TRAF5: variants seen among roughly 807,000 people sequenced by gnomAD.
TRAF5 encodes TNF receptor-associated factor 5.
TRAF5 carries 48 observed loss-of-function variants against 64.5 expected under a neutral mutation model. That is an observed-to-expected ratio of 0.74 (90% CI 0.59 to 0.95). The LOEUF is 0.95. Ranked by LOEUF, TRAF5 falls within the 40% of genes least tolerant of loss-of-function variation. TRAF5 has a pLI of 0.00. For synonymous variants in TRAF5, 206 were observed against 240.5 expected, an observed-to-expected ratio of 0.86 and a Z score of 1.33; for missense variants, 545 against 662.8, an observed-to-expected ratio of 0.82 and a Z score of 1.95.
intron 7 of TRAF5, among the ~76,000 whole-genome samples, chr1:211,362,245 C>T (rs1703210100): frequency 6.6e-6 from 1 of 151,798 alleles, no homozygotes; most frequent in African/African-American, 2.4e-5. Context: ...TAATAGATTC[C>T]AGGTGGAGCA....
At chr1:211,356,639 G>A (rs1460263057) in intron 4 of TRAF5, 171 bp downstream of exon 4, 14 of 582,800 alleles carry the variant, frequency 2.4e-5, no homozygotes, top group East Asian at 3.0e-5. Flanking sequence ...GCCCACCTAC[G>A]GCTGAGGTGT....
In TRAF5 at chr1:211,326,920, C is replaced by T. The variant is rs112037791; in HGVS notation, c.-2+31C>T. On this transcript the variant is annotated intron_variant, in intron 1 of 10. Transcript: ENST00000261464. The surrounding 1 kb of genome is among the most constrained non-coding windows in gnomAD (Gnocchi z 5.0). ...TCCGGCGGGTCGCCGCCCTGGGCAC[C>T]CTCGCGACGGAAGGGCCGGGGTGGG... 1,926 of 984,980 alleles carry T rather than the reference C, an allele frequency of 2.0e-3. 13 individuals are homozygous for T. The African/African-American group carries it at 0.023, about 12-fold the overall frequency. The allele number at this position is 984,980 out of a possible 1,614,324, so 61.0% of individuals were successfully genotyped here. A position where few individuals can be genotyped will look rare whatever the true frequency, so the allele number is the denominator to read the frequency against.
intron 6 of TRAF5, 123 bp downstream of exon 6, chr1:211,360,902 G>A: frequency 1.0e-6 from 1 of 1,004,084 alleles, no homozygotes; most frequent in Non-Finnish European, 1.5e-6. Context: ...GCATGACCAT[G>A]ACGTATCTGT....
At chr1:211,326,827 G>T (rs568790640), upstream of TRAF5, 346 of 984,372 alleles carry the variant, frequency 3.5e-4, 4 homozygotes, top group East Asian at 0.016. This position sits in a 1 kb window ranked among gnomAD's most constrained non-coding sequence, Gnocchi z 5.0. Context: ...GCCGCCGGCC[G>T]CAGCCAGGAG....
Position 211,355,289 on chromosome 1 carries a change from T to C in TRAF5, c.276+822T>C, listed in dbSNP as rs528341407. On this transcript the variant is annotated intron_variant, in intron 3 of 10. Coordinates refer to ENST00000261464, the MANE Select transcript of TRAF5 (RefSeq NM_001033910.3). ...GTGGGTTGTCTTTTCCCTTTCTTGA[T>C]CGTGTGTTTGAAGCACAAAAAATTT... 1.5e-4 allele frequency among the ~76,000 whole-genome samples: 23 copies of C among 152,276 alleles called. No homozygotes were observed. In the South Asian group the frequency reaches 4.8e-3, roughly 32 times the overall value.
In TRAF5 at chr1:211,353,370, A is replaced by G. The variant is rs372772119; in HGVS notation, c.131A>G (p.Lys44Arg). 4 of 1,614,006 alleles carry G rather than the reference A, an allele frequency of 2.5e-6. No homozygotes were observed. In the African/African-American group the frequency reaches 5.3e-5, roughly 22 times the overall value. Residue 44 changes from lysine (K) to arginine (R), a missense_variant, in exon 2 of 11, where the codon AAA (lysine) becomes AGA (arginine). Physicochemically the swap from Lys to Arg is conservative, Grantham distance 26. Coordinates refer to ENST00000261464, the MANE Select transcript of TRAF5 (RefSeq NM_001033910.3). ...GTGGAGCGGTTGGAAGAGCGCTACA[A>G]ATGTGCCTTCTGCCACTCGGTGCTT... Reference protein sequence around the residue: ...QFVERLEERYKCAFCHSVLHN... With the variant: ...QFVERLEERYRCAFCHSVLHN...
chr1:211,331,647 G>T (rs1702158938), intron 1 of TRAF5, among the ~76,000 whole-genome samples: 1 of 152,052 alleles, frequency 6.6e-6, no homozygotes, highest in African/African-American at 2.4e-5. Context: ...CAGAAGAATT[G>T]CTGTGTGTCA....
Position 211,360,757 on chromosome 1 carries a change from C to A in TRAF5, c.599C>A (p.Ala200Glu). The change falls in exon 6 of 11, where the codon GCG (alanine) becomes GAG (glutamate). Residue 200 changes from alanine to glutamate, a missense_variant. Ala to Glu is a moderately radical substitution (Grantham distance 107). Transcript: ENST00000261464. ...CCAGTATTTTGTCCCAACAATTGTG[C>A]GAAGATTATTCTAAAAACTGAGGTA... Reference protein sequence around the residue: ...EYPVFCPNNCAKIILKTEVDE... With the variant: ...EYPVFCPNNCEKIILKTEVDE... 6.2e-7 allele frequency: 1 copy of A among 1,613,674 alleles called. No individual in the cohort carries two copies. Among genetic ancestry groups the A allele is most frequent in the Non-Finnish European group, 8.5e-7 (1 of 1,179,714 alleles).
Position 211,372,355 on chromosome 1 carries a change from T to C in TRAF5, c.1327T>C (p.Cys443Arg). Residue 443 changes from cysteine to arginine, a missense_variant, in exon 11 of 11, where the codon TGT becomes CGT. Transcript: ENST00000261464. ...CACCAGCCGCTGTGGCTACCGGCTC[T>C]GTGCTAGAGCATACCTGAATGGGGA... ...FYTSRCGYRL[C>R]ARAYLNGDGS... The C allele has an allele frequency of 6.2e-7, 1 of 1,614,178 alleles. No homozygotes were observed. The highest frequency in any genetic ancestry group is 8.5e-7 in the Non-Finnish European group (1 of 1,180,024).
At chr1:211,371,888 A>C (rs1042369264) in intron 10 of TRAF5, among the ~76,000 whole-genome samples, 1 of 152,240 alleles carries the variant, frequency 6.6e-6, no homozygotes, top group African/African-American at 2.4e-5. Flanking sequence ...TTGAATGCTC[A>C]GTGTGTCTTC....
At chr1:211,359,826 C>G in intron 4 of TRAF5, 86 bp from the exon 5 acceptor site, 33 of 1,516,436 alleles carry the variant, frequency 2.2e-5, no homozygotes, top group Non-Finnish European at 2.8e-5. Flanking sequence ...CCACCCTGTT[C>G]TCTCTCCCTC....
chr1:211,333,300 T>C (rs1439301567), intron 1 of TRAF5, among the ~76,000 whole-genome samples: 1 of 144,638 alleles, frequency 6.9e-6, no homozygotes, highest in Non-Finnish European at 1.5e-5. Context: ...GCGATTCTCC[T>C]GCCTCAGCTT....
At chr1:211,349,034 TAAAA>T (rs373131975) in intron 1 of TRAF5, among the ~76,000 whole-genome samples, 3 of 84,674 alleles carry the variant, frequency 3.5e-5, no homozygotes, top group Admixed American at 1.5e-4. Flanking sequence ...ACTCTGTCTC[TAAAA>T]AAAAAAAAAA....
At chr1:211,367,174 G>T (rs1181289160) in intron 8 of TRAF5, among the ~76,000 whole-genome samples, 1 of 152,166 alleles carries the variant, frequency 6.6e-6, no homozygotes, top group Non-Finnish European at 1.5e-5. Flanking sequence ...TGTAGAGACA[G>T]GGTTTTGCCA....
chr1:211,347,496 A>G (rs1702647750), intron 1 of TRAF5, among the ~76,000 whole-genome samples: 1 of 152,248 alleles, frequency 6.6e-6, no homozygotes. Context: ...TGAGATTAAA[A>G]ACCCAATTTC....
intron 3 of TRAF5, among the ~76,000 whole-genome samples, chr1:211,354,750 G>T (rs1702908460): frequency 6.6e-6 from 1 of 152,066 alleles, no homozygotes. Context: ...TTATGGTTTT[G>T]ATTTGCATTT....
chr1:211,365,029 T>C (rs1703305334), intron 7 of TRAF5, among the ~76,000 whole-genome samples: 1 of 151,680 alleles, frequency 6.6e-6, no homozygotes, highest in African/African-American at 2.4e-5. Context: ...AAAAATTAGC[T>C]GAGTGTGGTG....
intron 1 of TRAF5, among the ~76,000 whole-genome samples, chr1:211,348,513 G>T (rs1296713815): frequency 6.6e-6 from 1 of 151,704 alleles, no homozygotes; most frequent in African/African-American, 2.4e-5. Flanking sequence ...TTTCTTTCAC[G>T]GATTGTGCCC....
chr1:211,330,549 C>T (rs1420357430), intron 1 of TRAF5, among the ~76,000 whole-genome samples: 5 of 152,106 alleles, frequency 3.3e-5, no homozygotes, highest in African/African-American at 9.7e-5. Context: ...AGTAAGAAGA[C>T]TCCATGTTTC....
Sources: allele counts gnomAD v4.1 joint callset (sites outside exome capture counted in the v4.1 genomes callset), GRCh38; gene constraint gnomAD v4.1.1; non-coding constraint Gnocchi (gnomAD v3.1); transcripts MANE v1.5; gene names NCBI Gene and HGNC (gene_info 2026-07-23, HGNC 2026-07-21).